Variants in PRTG observed in about 807,000 individuals in gnomAD.
The protein encoded by PRTG is immunoglobulin superfamily, DCC subclass, member 5.
In PRTG, 67 loss-of-function variants were observed where a neutral mutation model predicts 122.5. The observed-to-expected ratio is 0.55, with a 90% CI of 0.45 to 0.67. The LOEUF is 0.67. Among genes scored for constraint, PRTG ranks in the 30% least tolerant of loss-of-function variants. The pLI is 0.00. For synonymous variants in PRTG, 554 were observed against 501.1 expected (o/e 1.11, Z -1.41); for missense variants, 1,435 against 1,415.4 (o/e 1.01, Z -0.22).
At chr15:55,701,489 A>G (rs1171878241) in intron 2 of PRTG, among the ~76,000 whole-genome samples, 2 of 152,116 alleles carry the variant, frequency 1.3e-5, no homozygotes, top group Non-Finnish European at 2.9e-5. Flanking sequence ...AGCCGAGATC[A>G]CGCCACTGCA....
At chr15:55,735,512 G>C (rs1192383584) in intron 2 of PRTG, among the ~76,000 whole-genome samples, 1 of 151,678 alleles carries the variant, frequency 6.6e-6, no homozygotes, top group African/African-American at 2.4e-5. Flanking sequence ...TGGGAGCAAT[G>C]ACAACAAATC....
chr15:55,648,989 C>T (rs754387228), intron 11 of PRTG, among the ~76,000 whole-genome samples: 6 of 150,918 alleles, frequency 4.0e-5, no homozygotes, highest in East Asian at 1.9e-4. Context: ...CCCAGCTACA[C>T]GGGAGGCCAA....
rs1017306823 is a variant in PRTG at position 55,620,247 on chromosome 15, G to A, written c.3218C>T (p.Pro1073Leu). Residue 1073 changes from proline (P) to leucine (L), a missense_variant, in exon 20 of 20, where the codon CCA becomes CTA. Pro to Leu is a moderately conservative substitution (Grantham distance 98). Transcript: ENST00000389286. ...GCCTGGCTGGTAAAAGCAGACCGCTGGAGTAAATCTTCTTTGAGGCTAGGC... is the reference window on the plus strand; with the variant it reads ...GCCTGGCTGGTAAAAGCAGACCGCTAGAGTAAATCTTCTTTGAGGCTAGGC... ...QVEQPQRRFTPAVCFYQPGTT... is the reference protein window; with the variant it reads ...QVEQPQRRFTLAVCFYQPGTT... 2.5e-6 allele frequency: 4 copies of A among 1,613,866 alleles called. No homozygotes were observed. The highest frequency in any genetic ancestry group is 2.7e-5 in the African/African-American group (2 of 74,894).
chr15:55,710,867 C>T (rs1452884260), intron 2 of PRTG, among the ~76,000 whole-genome samples: 2 of 151,982 alleles, frequency 1.3e-5, no homozygotes, highest in East Asian at 3.9e-4. Flanking sequence ...CGACTTGCCT[C>T]TCTTCCTCTA....
Position 55,626,862 on chromosome 15 carries a change from G to A in PRTG, c.2927+146C>T, listed in dbSNP as rs140344361. 1.3e-5 allele frequency: 7 copies of A among 530,600 alleles called. No homozygotes were observed. The East Asian group carries it at 2.4e-4, about 18-fold the overall frequency. 32.9% of individuals were successfully genotyped at this position (530,600 alleles called of 1,614,324 possible). A position where few individuals can be genotyped will look rare whatever the true frequency, so the allele number is the denominator to read the frequency against. ...CTAAAATGAGCACATTTCTATAGCT[G>A]TAAGAACTCAGGGAACAATACTGCA... On this transcript the variant is annotated intron_variant, in intron 17 of 19. Coordinates refer to ENST00000389286, the MANE Select transcript of PRTG (RefSeq NM_173814.6).
At chr15:55,716,138 C>G (rs928725262) in intron 2 of PRTG, among the ~76,000 whole-genome samples, 1 of 152,154 alleles carries the variant, frequency 6.6e-6, no homozygotes, top group African/African-American at 2.4e-5. Flanking sequence ...GAGGCTGAGA[C>G]GGGAGAATCG....
intron 2 of PRTG, chr15:55,738,320 C>T: frequency 1.9e-6 from 1 of 539,676 alleles, no homozygotes; most frequent in Non-Finnish European, 3.2e-6. Flanking sequence ...TTACACCTAT[C>T]ACACACCATT....
intron 2 of PRTG, among the ~76,000 whole-genome samples, chr15:55,725,852 A>T (rs1188740447): frequency 5.9e-5 from 9 of 152,134 alleles, no homozygotes; most frequent in African/African-American, 2.2e-4. Flanking sequence ...GCTCACTGCA[A>T]CCTCTGCTTC....
chr15:55,697,051 T>G (rs1391204706), intron 2 of PRTG, among the ~76,000 whole-genome samples: 5 of 152,312 alleles, frequency 3.3e-5, no homozygotes, highest in East Asian at 3.9e-4. Context: ...ATTTGTTGCT[T>G]CTTTAATATT....
chr15:55,690,525 A>C (rs2059594798), intron 2 of PRTG, among the ~76,000 whole-genome samples: 2 of 152,346 alleles, frequency 1.3e-5, no homozygotes, highest in South Asian at 4.1e-4. Context: ...AAATTCAAAA[A>C]TCCAAAATGC....
rs1455749213 is a variant in PRTG at position 55,713,432 on chromosome 15, T to C, written c.397+26950A>G. The stretch of plus-strand genomic sequence containing the variant: ...AGATGCTTCAAGGAGCATTCTTATA[T>C]GCATCTGCTTATGTGCATGGGCAAG... On this transcript the variant is annotated intron_variant, in intron 2 of 19. Coordinates refer to ENST00000389286, the MANE Select transcript of PRTG (RefSeq NM_173814.6). Among the ~76,000 whole-genome samples, 4 of 152,358 alleles carry C rather than the reference T, an allele frequency of 2.6e-5. No individual in the cohort carries two copies. The South Asian group carries it at 8.3e-4, about 32-fold the overall frequency.
At chr15:55,680,464 T>G (rs889590530) in intron 5 of PRTG, 27 bp downstream of exon 5, 1 of 1,322,958 alleles carries the variant, frequency 7.6e-7, no homozygotes, top group Non-Finnish European at 1.0e-6. Flanking sequence ...GGAAAAGACT[T>G]TTTTTTTTTT....
intron 2 of PRTG, among the ~76,000 whole-genome samples, chr15:55,732,652 A>G (rs1468758953): frequency 4.6e-5 from 7 of 151,082 alleles, no homozygotes; most frequent in African/African-American, 1.7e-4. Flanking sequence ...GTGCCACCAC[A>G]CCCGGCTAGT....
chr15:55,683,857 TCTTGCATG>T lies in PRTG; in HGVS notation c.464_471del (p.Ala155AspfsTer37), dbSNP rs1303454991. ...ATGACTGCAGGAGGGTGGGATGAAA[TCTTGCATG>T]CAAATCGAGCAACTCCACCTTCGTG... is the stretch of plus-strand genomic sequence containing the variant. On this transcript the variant is annotated frameshift_variant, in exon 3 of 20. Transcript: ENST00000389286. LOFTEE classifies it high-confidence loss of function. 6.2e-7 allele frequency: 1 copy of T among 1,613,892 alleles called. No homozygotes were observed.
chr15:55,713,288 T>C (rs1321367116), intron 2 of PRTG, among the ~76,000 whole-genome samples: 1 of 152,214 alleles, frequency 6.6e-6, no homozygotes, highest in African/African-American at 2.4e-5. Context: ...TTATCCACAC[T>C]ATATATAAAT....
chr15:55,735,883 G>A (rs1458006177), intron 2 of PRTG, among the ~76,000 whole-genome samples: 1 of 152,068 alleles, frequency 6.6e-6, no homozygotes, highest in Non-Finnish European at 1.5e-5. Context: ...ACTTTAAGTA[G>A]ACAGACTTTA....
chr15:55,731,265 A>G lies in PRTG; in HGVS notation c.397+9117T>C, dbSNP rs2031220263. Among the ~76,000 whole-genome samples the G allele has an allele frequency of 2.6e-5, 4 of 152,182 alleles. No homozygotes were observed. The South Asian group carries it at 6.2e-4, about 24-fold the overall frequency. On this transcript the variant is annotated intron_variant, in intron 2 of 19. Coordinates refer to ENST00000389286, the MANE Select transcript of PRTG (RefSeq NM_173814.6). ...CTATTGTAAGTCCACTTTGGGGTCA[A>G]TATTTTAATCTGAGTTACTTTAAAT...
At chr15:55,706,985 A>C (rs1300419487) in intron 2 of PRTG, among the ~76,000 whole-genome samples, 2 of 152,242 alleles carry the variant, frequency 1.3e-5, no homozygotes, top group Admixed American at 1.3e-4. Context: ...GCCAATCAGC[A>C]TTTTTAAAAG....
At chr15:55,652,448 C>T (rs2059358046) in intron 11 of PRTG, among the ~76,000 whole-genome samples, 1 of 152,136 alleles carries the variant, frequency 6.6e-6, no homozygotes, top group African/African-American at 2.4e-5. Context: ...TTTTCAGGCC[C>T]ATTGTTCCCC....
Sources: allele counts gnomAD v4.1 joint callset (sites outside exome capture counted in the v4.1 genomes callset), GRCh38; gene constraint gnomAD v4.1.1; transcripts MANE v1.5; gene names NCBI Gene and HGNC (gene_info 2026-07-23, HGNC 2026-07-21).